Variants in KCNQ1 observed in about 807,000 individuals in gnomAD.
KCNQ1 encodes the protein potassium voltage-gated channel subfamily Q member 1.
In KCNQ1, 49 loss-of-function variants were observed where a neutral mutation model predicts 72.4. The observed-to-expected ratio is 0.68, with a 90% CI of 0.54 to 0.86. The LOEUF is 0.86. KCNQ1 is among the 40% of genes least tolerant of loss of function. The pLI is 0.00. For synonymous variants in KCNQ1, 450 were observed against 412.6 expected, an observed-to-expected ratio of 1.09 and a Z score of -1.10; for missense variants, 790 against 945.1, an observed-to-expected ratio of 0.84 and a Z score of 2.15.
chr11:2,599,028 C>G lies in KCNQ1; in HGVS notation c.1393+10174C>G, dbSNP rs1328775278. Among the ~76,000 whole-genome samples, 1 of 152,350 alleles carries G rather than the reference C, an allele frequency of 6.6e-6. No homozygotes were observed. The highest frequency in any genetic ancestry group is 1.5e-5 in the Non-Finnish European group (1 of 68,034). On this transcript the variant is annotated intron_variant, in intron 10 of 15. Coordinates refer to ENST00000155840, the MANE Select transcript of KCNQ1 (RefSeq NM_000218.3). The surrounding 1 kb of genome is among the most constrained non-coding windows in gnomAD (Gnocchi z 4.7). The stretch of plus-strand genomic sequence containing the variant: ...TTTTAGTGTCCTTAATGTTGTATTA[C>G]TTTCCAATATTCACACTTTAACTTT...
chr11:2,785,446 A>G lies in KCNQ1; in HGVS notation c.1794+7409A>G, dbSNP rs974253261. Among the ~76,000 whole-genome samples, 1 of 151,882 alleles carries G rather than the reference A, an allele frequency of 6.6e-6. No individual in the cohort carries two copies. The highest frequency in any genetic ancestry group is 2.4e-5 in the African/African-American group (1 of 41,426). On this transcript the variant is annotated intron_variant, in intron 15 of 15. Transcript: ENST00000155840. This position sits in a 1 kb window ranked among gnomAD's most constrained non-coding sequence, Gnocchi z 4.4. ...CTAGGAAAGCTGATTGAAAGAAAAAAAAAAGAATGTACTTTATATTCATAA... is the reference window on the plus strand; with the variant it reads ...CTAGGAAAGCTGATTGAAAGAAAAAGAAAAGAATGTACTTTATATTCATAA...
rs537393755 is a variant in KCNQ1 at position 2,813,354 on chromosome 11, C to T, written c.1795-34413C>T. Among the ~76,000 whole-genome samples, 58 of 152,198 alleles carry T rather than the reference C, an allele frequency of 3.8e-4. No homozygotes were observed. The highest frequency in any genetic ancestry group is 7.2e-4 in the Non-Finnish European group (49 of 68,042). On this transcript the variant is annotated intron_variant, in intron 15 of 15. Transcript: ENST00000155840. This position sits in a 1 kb window ranked among gnomAD's most constrained non-coding sequence, Gnocchi z 4.4. The stretch of plus-strand genomic sequence containing the variant: ...TCCTCATGCACCTCCATTCAGGGAA[C>T]CTGGGCTCCCCACTCTCACAGGGGT...
intron 1 of KCNQ1, among the ~76,000 whole-genome samples, chr11:2,510,674 G>A (rs73419549): frequency 6.6e-6 from 1 of 152,194 alleles, no homozygotes; most frequent in Non-Finnish European, 1.5e-5. Flanking sequence ...AATTGAAGCC[G>A]CACTGGTGTT....
intron 11 of KCNQ1, among the ~76,000 whole-genome samples, chr11:2,741,432 G>A (rs1387107338): frequency 2.0e-5 from 3 of 152,128 alleles, no homozygotes; most frequent in African/African-American, 7.2e-5. Context: ...TGCCCCCTCG[G>A]GGCTGCACAC....
In KCNQ1 at chr11:2,595,566, TTGA is replaced by T. The variant is rs528903631; in HGVS notation, c.1393+6713_1393+6715del. On this transcript the variant is annotated intron_variant, in intron 10 of 15. Transcript: ENST00000155840. The surrounding 1 kb of genome is among the most constrained non-coding windows in gnomAD (Gnocchi z 5.0). ...ACAAAGCCCGATGACAGTACATCTG[TTGA>T]CAACATGGTTTACTGAATATGTTGA... is the stretch of plus-strand genomic sequence containing the variant. 1.2e-3 allele frequency among the ~76,000 whole-genome samples: 186 copies of T among 152,342 alleles called. 2 individuals carry two copies. Among genetic ancestry groups the T allele is most frequent in the South Asian group, 3.5e-3 (17 of 4,828 alleles).
At chr11:2,546,561 C>A (rs1847904536) in intron 2 of KCNQ1, among the ~76,000 whole-genome samples, 1 of 152,138 alleles carries the variant, frequency 6.6e-6, no homozygotes, top group Non-Finnish European at 1.5e-5. Context: ...GTTAGAATCT[C>A]CAACTGTATT....
In KCNQ1 at chr11:2,566,909, G is replaced by A. The variant is rs1157202539; in HGVS notation, c.478-3719G>A. On this transcript the variant is annotated intron_variant, in intron 2 of 15. Transcript: ENST00000155840. The surrounding 1 kb of genome is among the most constrained non-coding windows in gnomAD (Gnocchi z 6.7). ...CCCGGTTCTGTACCTGTAGTGGATG[G>A]GGCTCTCAGAGGGATTGGGGGTGAT... Among the ~76,000 whole-genome samples, 1 of 151,584 alleles carries A rather than the reference G, an allele frequency of 6.6e-6. No homozygotes were observed. The highest frequency in any genetic ancestry group is 6.6e-5 in the Admixed American group (1 of 15,236).
chr11:2,523,125 C>T (rs1329892548), intron 1 of KCNQ1, among the ~76,000 whole-genome samples: 4 of 152,218 alleles, frequency 2.6e-5, no homozygotes, highest in South Asian at 2.1e-4. Context: ...CCCTCACCTG[C>T]GGCCTGTGAG....
At chr11:2,614,167 A>T (rs1355140048) in intron 10 of KCNQ1, 2 of 398,252 alleles carry the variant, frequency 5.0e-6, no homozygotes, top group Admixed American at 4.4e-5. Context: ...AATCGAATCT[A>T]CCCCCAAGAG....
At chr11:2,798,246 A>G (rs1847179604) in intron 15 of KCNQ1, among the ~76,000 whole-genome samples, 1 of 152,162 alleles carries the variant, frequency 6.6e-6, no homozygotes, top group African/African-American at 2.4e-5. Flanking sequence ...CTGGGTTCCC[A>G]ACCACCCTTC....
Position 2,497,673 on chromosome 11 carries a change from C to T in KCNQ1, c.387-30255C>T, listed in dbSNP as rs569745936. Among the ~76,000 whole-genome samples, 6 of 152,302 alleles carry T rather than the reference C, an allele frequency of 3.9e-5. No individual in the cohort carries two copies. The highest frequency in any genetic ancestry group is 1.9e-4 in the East Asian group (1 of 5,174). The stretch of plus-strand genomic sequence containing the variant: ...CTTCTGAAGCCTACTTCTGTCAATT[C>T]GTCAGTCTCATTCTCCGTCCAGTTT... On this transcript the variant is annotated intron_variant, in intron 1 of 15. Transcript: ENST00000155840. The surrounding 1 kb of genome is among the most constrained non-coding windows in gnomAD (Gnocchi z 4.5).
intron 11 of KCNQ1, among the ~76,000 whole-genome samples, chr11:2,738,460 A>G (rs1845995703): frequency 1.3e-5 from 2 of 152,192 alleles, no homozygotes; most frequent in East Asian, 1.9e-4. Flanking sequence ...CGTGTGTGAC[A>G]AGGGAATCTC....
At chr11:2,832,627 G>C (rs1364296401) in intron 15 of KCNQ1, among the ~76,000 whole-genome samples, 3 of 152,228 alleles carry the variant, frequency 2.0e-5, no homozygotes, top group African/African-American at 7.2e-5. Context: ...CACAGTTGCA[G>C]CAGGAAGCCC....
chr11:2,749,606 G>A (rs188794780), intron 11 of KCNQ1, among the ~76,000 whole-genome samples: 10,403 of 125,784 alleles, frequency 0.083, 6 homozygotes, highest in East Asian at 0.16. Flanking sequence ...TCAGGAGATC[G>A]AGACCACGGC....
Position 2,710,447 on chromosome 11 carries a change from C to T in KCNQ1, c.1514+48366C>T, listed in dbSNP as rs998928541. Among the ~76,000 whole-genome samples the T allele has an allele frequency of 6.6e-6, 1 of 152,136 alleles. No individual in the cohort carries two copies. The highest frequency in any genetic ancestry group is 1.5e-5 in the Non-Finnish European group (1 of 68,012). On this transcript the variant is annotated intron_variant, in intron 11 of 15. Coordinates refer to ENST00000155840, the MANE Select transcript of KCNQ1 (RefSeq NM_000218.3). This position sits in a 1 kb window ranked among gnomAD's most constrained non-coding sequence, Gnocchi z 4.1. ...TGGGTTGTCTTTTCACTTTCTTGATCATGTCCTTTGACTCACAAAGGTTTT... is the reference window on the plus strand; with the variant it reads ...TGGGTTGTCTTTTCACTTTCTTGATTATGTCCTTTGACTCACAAAGGTTTT...
At chr11:2,445,583 A>T in intron 1 of KCNQ1, 99 bp downstream of exon 1, 1 of 1,374,974 alleles carries the variant, frequency 7.3e-7, no homozygotes, top group East Asian at 2.4e-5. Flanking sequence ...CGGAGCTGCG[A>T]CCCCGGAGCA....
rs1249658715 is a variant in KCNQ1, at chr11:2,621,658, A to G, written c.1393+32804A>G. On this transcript the variant is annotated intron_variant, in intron 10 of 15. Coordinates refer to ENST00000155840, the MANE Select transcript of KCNQ1 (RefSeq NM_000218.3). The surrounding 1 kb of genome is among the most constrained non-coding windows in gnomAD (Gnocchi z 5.7). ...TTGTCCATTTCCTCTAGGTTATCCA[A>G]TTTGTTGGGATATAATTGTTCATAA... is the stretch of plus-strand genomic sequence containing the variant. 5.0e-6 allele frequency: 2 copies of G among 398,168 alleles called. No individual in the cohort carries two copies. Among genetic ancestry groups the G allele is most frequent in the Non-Finnish European group, 8.9e-6 (2 of 225,962 alleles). The allele number at this position is 398,168 out of a possible 1,614,324, so 24.7% of individuals were successfully genotyped here. A position where few individuals can be genotyped will look rare whatever the true frequency, so the allele number is the denominator to read the frequency against.
At chr11:2,719,943 G>A (rs1211946785) in intron 11 of KCNQ1, among the ~76,000 whole-genome samples, 5 of 152,252 alleles carry the variant, frequency 3.3e-5, no homozygotes, top group South Asian at 2.1e-4. Flanking sequence ...CTAGGTCAGC[G>A]AACCACTCAA....
At chr11:2,490,292 GACT>G (rs1330913017) in intron 1 of KCNQ1, among the ~76,000 whole-genome samples, 1 of 152,228 alleles carries the variant, frequency 6.6e-6, no homozygotes, top group Non-Finnish European at 1.5e-5. Context: ...TAAGGTCTTT[GACT>G]ACAGACCCTT....
Sources: gnomAD v4.1 joint callset for allele counts (sites outside exome capture counted in the v4.1 genomes callset) on GRCh38, gnomAD v4.1.1 for gene constraint, Gnocchi (gnomAD v3.1) non-coding constraint, MANE v1.5 for transcripts, NCBI Gene and HGNC (gene_info 2026-07-23, HGNC 2026-07-21) for gene names.